The following RPS6KC1 variants were observed in gnomAD, a reference collection of about 807,000 sequenced individuals.
RPS6KC1 encodes inactive ribosomal protein S6 kinase delta-1.
In RPS6KC1, 54 loss-of-function variants were observed where a neutral mutation model predicts 103.8. The observed-to-expected ratio is 0.52, with a 90% CI of 0.42 to 0.65. The LOEUF (loss-of-function observed/expected upper bound fraction) is 0.65, where lower values mean the gene tolerates loss of function less well. Ranked by LOEUF, RPS6KC1 falls within the 30% of genes least tolerant of loss-of-function variation. The probability of loss-of-function intolerance (pLI) is 0.00; values close to 1 mark genes in which losing one functional copy is unlikely to be tolerated. For synonymous variants in RPS6KC1, 439 were observed against 438.7 expected (o/e 1.00, Z -0.01); for missense variants, 1,151 against 1,253.8 (o/e 0.92, Z 1.24).
At chr1:213,816,817 G>T in the RPS6KC1 span, among the ~76,000 whole-genome samples, 12 of 152,264 alleles carry the variant, frequency 7.9e-5, no homozygotes, top group Non-Finnish European at 1.8e-4. Flanking sequence ...AACTTTCAAA[G>T]TCTCATTTTC....
At chr1:213,242,319 A>G in intron 11 of RPS6KC1, 22 bp downstream of exon 11, 1 of 1,611,018 alleles carries the variant, frequency 6.2e-7, no homozygotes, top group Non-Finnish European at 8.5e-7. Context: ...TTGCAAATGC[A>G]TTTCTTTTTA....
intron 12 of RPS6KC1, among the ~76,000 whole-genome samples, chr1:213,250,349 A>T (rs2094524836): frequency 6.6e-6 from 1 of 152,214 alleles, no homozygotes; most frequent in South Asian, 2.1e-4. Context: ...TGATTCCAGG[A>T]ACTTTCAAAC....
the RPS6KC1 span, among the ~76,000 whole-genome samples, chr1:213,348,548 T>C: frequency 1.3e-4 from 20 of 152,262 alleles, no homozygotes; most frequent in Admixed American, 1.3e-3. Flanking sequence ...GGAGAAAATA[T>C]GCAAAAAACG....
At chr1:213,754,163 C>T in the RPS6KC1 span, among the ~76,000 whole-genome samples, 1 of 152,204 alleles carries the variant, frequency 6.6e-6, no homozygotes, top group Non-Finnish European at 1.5e-5. Flanking sequence ...TACATTTGCT[C>T]ATAGTCCAGA....
chr1:213,055,113 C>T (rs1204388923), intron 1 of RPS6KC1, among the ~76,000 whole-genome samples: 3 of 152,144 alleles, frequency 2.0e-5, no homozygotes, highest in African/African-American at 7.2e-5. Flanking sequence ...AAAATTCACC[C>T]ATTGTAAGTG....
At chr1:213,083,502 T>A (rs2080096311) in intron 3 of RPS6KC1, among the ~76,000 whole-genome samples, 1 of 152,224 alleles carries the variant, frequency 6.6e-6, no homozygotes, top group African/African-American at 2.4e-5. Context: ...AGGTAACTTG[T>A]CTATAGTTTC....
the RPS6KC1 span, among the ~76,000 whole-genome samples, chr1:213,408,165 A>C: frequency 6.6e-6 from 1 of 152,208 alleles, no homozygotes; most frequent in African/African-American, 2.4e-5. Flanking sequence ...ATCTAGCCAC[A>C]ATCAGGCTGG....
At chr1:213,072,709 TTAAAG>T (rs1166010582) in intron 2 of RPS6KC1, among the ~76,000 whole-genome samples, 2 of 152,246 alleles carry the variant, frequency 1.3e-5, no homozygotes, top group Non-Finnish European at 2.9e-5. Context: ...GCACCATTGA[TTAAAG>T]TACTTTTCTG....
chr1:213,118,141 G>GTT (rs1202683629), intron 5 of RPS6KC1, among the ~76,000 whole-genome samples: 3 of 151,450 alleles, frequency 2.0e-5, no homozygotes, highest in Non-Finnish European at 2.9e-5. Context: ...CCCTAAGGCA[G>GTT]TTTTAATGTT....
the RPS6KC1 span, among the ~76,000 whole-genome samples, chr1:213,485,545 G>T: frequency 0.011 from 1,736 of 152,272 alleles, 17 homozygotes; most frequent in South Asian, 0.02. Flanking sequence ...TTCCTCTACA[G>T]TCCATCAGCA....
chr1:213,299,523 GC>G, the RPS6KC1 span, among the ~76,000 whole-genome samples: 1 of 129,040 alleles, frequency 7.7e-6, no homozygotes. Context: ...CTGCACTCCA[GC>G]CTGGGCAACA....
the RPS6KC1 span, among the ~76,000 whole-genome samples, chr1:213,693,429 T>G: frequency 2.6e-5 from 4 of 152,236 alleles, no homozygotes; most frequent in Non-Finnish European, 5.9e-5. Context: ...TACAAGCTCC[T>G]TCAAGGTGGG....
the RPS6KC1 span, among the ~76,000 whole-genome samples, chr1:213,758,346 G>A: frequency 6.6e-6 from 1 of 152,150 alleles, no homozygotes; most frequent in African/African-American, 2.4e-5. Context: ...GGGAAGCTGA[G>A]AAGGGAAGAT....
chr1:213,133,266 C>G (rs1213840002), intron 6 of RPS6KC1, among the ~76,000 whole-genome samples: 1 of 152,088 alleles, frequency 6.6e-6, no homozygotes, highest in African/African-American at 2.4e-5. Flanking sequence ...TTATATATTA[C>G]TGAAAGTGGC....
the RPS6KC1 span, among the ~76,000 whole-genome samples, chr1:213,609,331 C>A: frequency 9.8e-5 from 15 of 152,320 alleles, no homozygotes; most frequent in African/African-American, 3.1e-4. Context: ...GATGCAGAGA[C>A]CTGACCTCTG....
At chr1:213,780,442 C>G in the RPS6KC1 span, among the ~76,000 whole-genome samples, 1 of 152,142 alleles carries the variant, frequency 6.6e-6, no homozygotes, top group South Asian at 2.1e-4. Flanking sequence ...CTAATGCTAC[C>G]CAAATAGGAG....
the RPS6KC1 span, among the ~76,000 whole-genome samples, chr1:213,472,477 T>G: frequency 1.3e-5 from 2 of 152,230 alleles, no homozygotes; most frequent in Admixed American, 6.5e-5. Flanking sequence ...CCATTGTGAC[T>G]CTCCTGGCCC....
At chr1:213,602,152 T>TTC in the RPS6KC1 span, among the ~76,000 whole-genome samples, 290 of 100,518 alleles carry the variant, frequency 2.9e-3, 5 homozygotes, top group Non-Finnish European at 5.1e-3. Context: ...CTTTCTTTCT[T>TTC]TCTTTCTTTC....
At chr1:213,220,945 TATTTTGTGG>T (rs2093816415) in intron 8 of RPS6KC1, among the ~76,000 whole-genome samples, 4 of 152,198 alleles carry the variant, frequency 2.6e-5, no homozygotes, top group Non-Finnish European at 4.4e-5. Flanking sequence ...TTTAAAGTGG[TATTTTGTGG>T]ATTTTGTTAA....
Sources: allele counts gnomAD v4.1 joint callset (sites outside exome capture counted in the v4.1 genomes callset), GRCh38; gene constraint gnomAD v4.1.1; transcripts MANE v1.5; gene names NCBI Gene and HGNC (gene_info 2026-07-23, HGNC 2026-07-21).